IQCH: variants seen among roughly 807,000 people sequenced by gnomAD.
IQCH encodes IQ motif containing H.
In IQCH, 98 loss-of-function variants were observed where a neutral mutation model predicts 117.0. That is an observed-to-expected ratio of 0.84 (90% CI 0.71 to 0.99). The LOEUF is 0.99. Ranked by LOEUF, IQCH falls within the 50% of genes least tolerant of loss-of-function variation. The pLI is 0.00. For missense variants in IQCH, 1,102 were observed against 1,243.8 expected, an observed-to-expected ratio of 0.89 and a Z score of 1.72; for synonymous variants, 412 against 448.2, an observed-to-expected ratio of 0.92 and a Z score of 1.02.
intron 3 of IQCH, among the ~76,000 whole-genome samples, chr15:67,265,998 A>G (rs1397551949): frequency 2.6e-5 from 4 of 152,144 alleles, no homozygotes; most frequent in Non-Finnish European, 2.9e-5. Context: ...CTTAATCACA[A>G]TCTTGATCAG....
chr15:67,333,366 G>A (rs544685090), intron 4 of IQCH, among the ~76,000 whole-genome samples: 117 of 152,244 alleles, frequency 7.7e-4, no homozygotes, highest in Middle Eastern at 6.8e-3. Flanking sequence ...CCTTGCAGAG[G>A]AATCATTTTT....
At chr15:67,461,388 C>T (rs1011699071) in intron 16 of IQCH, among the ~76,000 whole-genome samples, 10 of 152,274 alleles carry the variant, frequency 6.6e-5, no homozygotes, top group Admixed American at 3.9e-4. Context: ...ACTGGAATTG[C>T]GAATGCACCC....
intron 16 of IQCH, among the ~76,000 whole-genome samples, chr15:67,446,867 A>G (rs2082403196): frequency 6.6e-6 from 1 of 152,220 alleles, no homozygotes; most frequent in Non-Finnish European, 1.5e-5. Context: ...AAAGGTGTTA[A>G]GTGACTTGCC....
chr15:67,428,654 G>T (rs564107350), intron 16 of IQCH, among the ~76,000 whole-genome samples: 1 of 152,218 alleles, frequency 6.6e-6, no homozygotes, highest in African/African-American at 2.4e-5. Context: ...TTTGAGACAA[G>T]CCTGACCAAT....
chr15:67,257,325 T>C (rs1266341678), intron 1 of IQCH, among the ~76,000 whole-genome samples: 1 of 152,248 alleles, frequency 6.6e-6, no homozygotes. Flanking sequence ...GGCAAGTCAG[T>C]GACTGAGTGA....
intron 16 of IQCH, among the ~76,000 whole-genome samples, chr15:67,446,322 A>C (rs890333392): frequency 2.0e-5 from 3 of 152,250 alleles, no homozygotes; most frequent in African/African-American, 7.2e-5. Flanking sequence ...CTAAGAATTT[A>C]CACTTATCTG....
intron 15 of IQCH, among the ~76,000 whole-genome samples, chr15:67,420,529 G>A (rs918035406): frequency 6.6e-6 from 1 of 152,126 alleles, no homozygotes; most frequent in African/African-American, 2.4e-5. Flanking sequence ...AGTAAGATTT[G>A]TAAGTTGGGC....
chr15:67,472,498 G>A lies in IQCH; in HGVS notation c.2677-3198G>A, dbSNP rs1214699612. 3.3e-5 allele frequency among the ~76,000 whole-genome samples: 5 copies of A among 152,200 alleles called. No individual in the cohort carries two copies. Among genetic ancestry groups the A allele is most frequent in the African/African-American group, 1.2e-4 (5 of 41,456 alleles). ...CAGAATCCCAGGAGATGGGGGAAGA[G>A]TAGGGGAAAAAACAGCCTGGGAAGT... is the stretch of plus-strand genomic sequence containing the variant. On this transcript the variant is annotated intron_variant, in intron 17 of 20. Transcript: ENST00000335894. The surrounding 1 kb of genome is among the most constrained non-coding windows in gnomAD (Gnocchi z 4.3).
rs1279435817 is a variant in IQCH, at chr15:67,385,378, A to G, written c.1456+359A>G. 6.6e-6 allele frequency among the ~76,000 whole-genome samples: 1 copy of G among 152,160 alleles called. No individual in the cohort carries two copies. The highest frequency in any genetic ancestry group is 1.5e-5 in the Non-Finnish European group (1 of 68,028). ...TTGTGTCAGTCTTGTCTCTTATAGT[A>G]TCTGGGGAATGTGTGAAAGGTGGTA... is the stretch of plus-strand genomic sequence containing the variant. On this transcript the variant is annotated intron_variant, in intron 11 of 20. Transcript: ENST00000335894. This position sits in a 1 kb window ranked among gnomAD's most constrained non-coding sequence, Gnocchi z 4.6.
At chr15:67,271,238 G>C (rs1337048015) in intron 3 of IQCH, among the ~76,000 whole-genome samples, 1 of 152,222 alleles carries the variant, frequency 6.6e-6, no homozygotes, top group Non-Finnish European at 1.5e-5. Flanking sequence ...AAAGTGCTGA[G>C]ATTACAGGTG....
rs746614688 is a variant in IQCH, at chr15:67,384,682, T to C, written c.1373-254T>C. Among the ~76,000 whole-genome samples the C allele has an allele frequency of 3.3e-5, 5 of 152,170 alleles. No individual in the cohort carries two copies. The highest frequency in any genetic ancestry group is 7.4e-5 in the Non-Finnish European group (5 of 68,018). Reference sequence around the variant, plus strand: ...TCTCCATGTTTTGTCATCTTGATTCTTAGCAGCCTTGTTGGTACTGAAAAA... The same window carrying C: ...TCTCCATGTTTTGTCATCTTGATTCCTAGCAGCCTTGTTGGTACTGAAAAA... On this transcript the variant is annotated intron_variant, in intron 10 of 20. Coordinates refer to ENST00000335894, the MANE Select transcript of IQCH (RefSeq NM_001031715.3). This position sits in a 1 kb window ranked among gnomAD's most constrained non-coding sequence, Gnocchi z 4.3.
Position 67,390,880 on chromosome 15 carries a change from C to A in IQCH, c.1632+1874C>A, listed in dbSNP as rs1971263572. ...GTTTATGGCTGAGGAAACCAAGACT[C>A]ATTTTCTAGTCCAAGGTTACTAGTA... is the stretch of plus-strand genomic sequence containing the variant. On this transcript the variant is annotated intron_variant, in intron 12 of 20. Coordinates refer to ENST00000335894, the MANE Select transcript of IQCH (RefSeq NM_001031715.3). The surrounding 1 kb of genome is among the most constrained non-coding windows in gnomAD (Gnocchi z 5.0). Among the ~76,000 whole-genome samples, 1 of 152,188 alleles carries A rather than the reference C, an allele frequency of 6.6e-6. No homozygotes were observed. Among genetic ancestry groups the A allele is most frequent in the Non-Finnish European group, 1.5e-5 (1 of 68,038 alleles).
chr15:67,453,226 G>A lies in IQCH; in HGVS notation c.2506-11901G>A, dbSNP rs200294838. On this transcript the variant is annotated intron_variant, in intron 16 of 20. Transcript: ENST00000335894. The surrounding 1 kb of genome is among the most constrained non-coding windows in gnomAD (Gnocchi z 5.8). The stretch of plus-strand genomic sequence containing the variant: ...ATCTGAAGCCTTCTTCTCTCAACTC[G>A]TCAAAGTCATTCTCCATCCAGCTTT... 2.4e-4 allele frequency among the ~76,000 whole-genome samples: 36 copies of A among 152,100 alleles called. No individual in the cohort carries two copies. The highest frequency in any genetic ancestry group is 2.3e-3 in the Admixed American group (35 of 15,274).
Position 67,261,378 on chromosome 15 carries a change from C to T in IQCH, c.158C>T (p.Thr53Ile), listed in dbSNP as rs779900927. Residue 53 changes from threonine to isoleucine, a missense_variant, in exon 2 of 21, where the codon ACT becomes ATT. Transcript: ENST00000335894. ...IQSLETAIKR[T>I]EVGLRIHIEK... ...AGTCTTGAAACAGCAATCAAAAGGA[C>T]TGAAGTGGGGTTAAGAGTAAGTAGA... 1 of 1,589,874 alleles carries T rather than the reference C, an allele frequency of 6.3e-7. No individual in the cohort carries two copies. Among genetic ancestry groups the T allele is most frequent in the Admixed American group, 1.9e-5 (1 of 52,404 alleles).
chr15:67,267,471 G>A (rs1384233343), intron 3 of IQCH, among the ~76,000 whole-genome samples: 1 of 152,212 alleles, frequency 6.6e-6, no homozygotes, highest in Non-Finnish European at 1.5e-5. Context: ...GACATGTAGA[G>A]GGCCTTTCTC....
chr15:67,483,472 G>A (rs894255405), intron 18 of IQCH, among the ~76,000 whole-genome samples: 19 of 152,204 alleles, frequency 1.2e-4, no homozygotes, highest in East Asian at 5.8e-4. Context: ...AGCCAAGATC[G>A]CGCTACTGCG....
chr15:67,379,473 GA>G (rs1970846814), intron 10 of IQCH, among the ~76,000 whole-genome samples: 1 of 152,180 alleles, frequency 6.6e-6, no homozygotes, highest in Non-Finnish European at 1.5e-5. Flanking sequence ...CAGACTCCCT[GA>G]AAGGTTCTCA....
At position 67,356,071 on chromosome 15, in the gene IQCH, C is replaced by G. The variant is rs1223057715; in HGVS notation, c.638-1274C>G. ...AAGTTAAACAAAAATTGTACTGAGT[C>G]TGCAGACAATAGGAATAACAAATTT... On this transcript the variant is annotated intron_variant, in intron 6 of 20. Coordinates refer to ENST00000335894, the MANE Select transcript of IQCH (RefSeq NM_001031715.3). This position sits in a 1 kb window ranked among gnomAD's most constrained non-coding sequence, Gnocchi z 5.3. Among the ~76,000 whole-genome samples the G allele has an allele frequency of 6.6e-6, 1 of 152,164 alleles. No homozygotes were observed. The highest frequency in any genetic ancestry group is 1.5e-5 in the Non-Finnish European group (1 of 68,006).
At position 67,372,375 on chromosome 15, in the gene IQCH, T is replaced by A; in HGVS notation, c.1018T>A (p.Tyr340Asn). ...EFELTNKLTRYDLLSVLEDPA... is the reference protein window; with the variant it reads ...EFELTNKLTRNDLLSVLEDPA... ...TGAGCTGACGAATAAACTTACCAGA[T>A]ATGACCTTCTCTCAGTGTTAGAGGA... Residue 340 changes from tyrosine to asparagine, a missense_variant, in exon 9 of 21, where the codon TAT becomes AAT. By Grantham distance (143) the Tyr-to-Asn change is moderately radical. Coordinates refer to ENST00000335894, the MANE Select transcript of IQCH (RefSeq NM_001031715.3). 6.2e-7 allele frequency: 1 copy of A among 1,614,160 alleles called. No individual in the cohort carries two copies. Among genetic ancestry groups the A allele is most frequent in the Non-Finnish European group, 8.5e-7 (1 of 1,180,012 alleles).
Sources: gnomAD v4.1 joint callset for allele counts (sites outside exome capture counted in the v4.1 genomes callset) on GRCh38, gnomAD v4.1.1 for gene constraint, Gnocchi (gnomAD v3.1) non-coding constraint, MANE v1.5 for transcripts, NCBI Gene and HGNC (gene_info 2026-07-23, HGNC 2026-07-21) for gene names.